Variants in RBFOX1 observed in about 807,000 individuals in gnomAD.
RBFOX1 encodes RNA binding protein fox-1 homolog 1.
RBFOX1 carries 8 observed loss-of-function variants against 57.7 expected under a neutral mutation model. The observed-to-expected ratio is 0.14, with a 90% CI of 0.08 to 0.25. RBFOX1 has a LOEUF of 0.25. Ranked by LOEUF, RBFOX1 falls within the 10% of genes least tolerant of loss-of-function variation. RBFOX1 has a pLI of 1.00. For synonymous variants in RBFOX1, 326 were observed against 222.4 expected, an observed-to-expected ratio of 1.47 and a Z score of -4.15; for missense variants, 611 against 548.5, an observed-to-expected ratio of 1.11 and a Z score of -1.14.
chr16:5,504,598 C>G (rs1334620846), intron 2 of RBFOX1, among the ~76,000 whole-genome samples: 1 of 152,188 alleles, frequency 6.6e-6, no homozygotes, highest in Non-Finnish European at 1.5e-5. Flanking sequence ...AGGGGAGGGC[C>G]CGGTTTGGCT....
intron 1 of RBFOX1, among the ~76,000 whole-genome samples, chr16:5,431,114 G>A (rs1168264559): frequency 6.6e-6 from 1 of 152,166 alleles, no homozygotes; most frequent in African/African-American, 2.4e-5. Flanking sequence ...TTATAGGAAC[G>A]TGTAAGTCCG....
chr16:5,919,867 T>G (rs180786515), intron 4 of RBFOX1, among the ~76,000 whole-genome samples: 158 of 152,338 alleles, frequency 1.0e-3, no homozygotes, highest in African/African-American at 3.5e-3. Context: ...CTATAGCCTG[T>G]GACCCTTTCT....
At chr16:7,571,550 C>T (rs1447951920) in intron 5 of RBFOX1, among the ~76,000 whole-genome samples, 1 of 152,144 alleles carries the variant, frequency 6.6e-6, no homozygotes, top group Non-Finnish European at 1.5e-5. Context: ...GATTAAAGTG[C>T]CAGTGGTGTT....
intron 2 of RBFOX1, among the ~76,000 whole-genome samples, chr16:6,325,417 T>C (rs962974425): frequency 6.6e-6 from 1 of 152,250 alleles, no homozygotes; most frequent in African/African-American, 2.4e-5. Flanking sequence ...ATTCACCTTC[T>C]ATTAGCTTTA....
chr16:7,350,107 A>G (rs542206201), intron 4 of RBFOX1, among the ~76,000 whole-genome samples: 2 of 152,308 alleles, frequency 1.3e-5, no homozygotes, highest in African/African-American at 4.8e-5. Flanking sequence ...AGATCAGGCC[A>G]CTGTACTCCA....
intron 2 of RBFOX1, among the ~76,000 whole-genome samples, chr16:5,548,174 A>AAAAT (rs1555462290): frequency 3.0e-4 from 10 of 33,574 alleles, no homozygotes; most frequent in Non-Finnish European, 5.0e-4. Context: ...AAAAAAAAAA[A>AAAAT]ATATATATAT....
At chr16:7,112,200 A>C (rs912121715) in intron 4 of RBFOX1, among the ~76,000 whole-genome samples, 1 of 152,114 alleles carries the variant, frequency 6.6e-6, no homozygotes, top group Non-Finnish European at 1.5e-5. Context: ...CATCTTGTAC[A>C]TAGTCAGCAA....
At chr16:5,800,783 G>T (rs2055031118) in intron 3 of RBFOX1, among the ~76,000 whole-genome samples, 3 of 152,150 alleles carry the variant, frequency 2.0e-5, no homozygotes, top group Admixed American at 1.3e-4. Flanking sequence ...AAGCAAGGAA[G>T]ACGTCCTAGT....
At chr16:5,707,994 A>G (rs929786372) in intron 3 of RBFOX1, among the ~76,000 whole-genome samples, 6 of 152,180 alleles carry the variant, frequency 3.9e-5, no homozygotes, top group Admixed American at 3.3e-4. Context: ...GAAATTTGGC[A>G]GTGTATTCAA....
chr16:5,534,304 G>A (rs765626586), intron 2 of RBFOX1, among the ~76,000 whole-genome samples: 2 of 152,158 alleles, frequency 1.3e-5, no homozygotes, highest in Non-Finnish European at 2.9e-5. Context: ...TACATGAAAG[G>A]GAGTTTATTA....
chr16:7,086,771 G>C, intron 4 of RBFOX1, among the ~76,000 whole-genome samples: 1 of 93,860 alleles, frequency 1.1e-5, no homozygotes, highest in Admixed American at 1.1e-4. Context: ...ATGAGGGCGT[G>C]TGTATCATCT....
intron 3 of RBFOX1, among the ~76,000 whole-genome samples, chr16:7,028,244 C>G (rs1466162872): frequency 1.3e-5 from 2 of 152,068 alleles, no homozygotes; most frequent in East Asian, 3.9e-4. Flanking sequence ...ATAGACAGGG[C>G]TTGCTCTACG....
intron 3 of RBFOX1, among the ~76,000 whole-genome samples, chr16:6,736,302 C>G (rs1568404648): frequency 6.6e-6 from 1 of 152,030 alleles, no homozygotes. Flanking sequence ...TCTTTTATCC[C>G]TCACCCCTCT....
At chr16:7,144,284 A>G (rs2074441557) in intron 4 of RBFOX1, among the ~76,000 whole-genome samples, 1 of 152,126 alleles carries the variant, frequency 6.6e-6, no homozygotes, top group African/African-American at 2.4e-5. Flanking sequence ...CCCCAGAGGA[A>G]TTGATATATG....
At position 6,106,371 on chromosome 16, in the gene RBFOX1, C is replaced by T. The variant is rs543733349; in HGVS notation, c.-127+86379C>T. Among the ~76,000 whole-genome samples the T allele has an allele frequency of 1.2e-4, 17 of 146,950 alleles. 1 individual carries two copies. In the East Asian group the frequency reaches 1.4e-3, roughly 12 times the overall value. ...AGCTACTCCACTAGGGAGGCTGAGG[C>T]AGGAGAATTGCTTGACCCCTGGAGT... On this transcript the variant is annotated intron_variant, in intron 1 of 15. Transcript: ENST00000550418.
chr16:5,893,647 A>C (rs1280405295), intron 4 of RBFOX1, among the ~76,000 whole-genome samples: 6 of 152,090 alleles, frequency 3.9e-5, no homozygotes, highest in Non-Finnish European at 8.8e-5. Context: ...TCTCCACTAA[A>C]AATAAAAAAT....
chr16:6,183,952 A>C (rs2097087528), intron 1 of RBFOX1, among the ~76,000 whole-genome samples: 1 of 152,222 alleles, frequency 6.6e-6, no homozygotes. Context: ...GACATACCTG[A>C]GAGTGGGTCA....
At chr16:5,513,289 A>G (rs1240957902) in intron 2 of RBFOX1, among the ~76,000 whole-genome samples, 10 of 152,160 alleles carry the variant, frequency 6.6e-5, no homozygotes, top group Non-Finnish European at 2.9e-5. Context: ...ATATACATCC[A>G]GTGGTATCTG....
intron 5 of RBFOX1, among the ~76,000 whole-genome samples, chr16:7,523,306 C>T (rs2077929615): frequency 6.6e-6 from 1 of 152,106 alleles, no homozygotes; most frequent in Non-Finnish European, 1.5e-5. Flanking sequence ...TTTGGAAGTA[C>T]TTCAATTTTG....
Sources: allele counts gnomAD v4.1 joint callset (sites outside exome capture counted in the v4.1 genomes callset), GRCh38; gene constraint gnomAD v4.1.1; transcripts MANE v1.5; gene names NCBI Gene and HGNC (gene_info 2026-07-23, HGNC 2026-07-21).